The following CEP76 variants were observed in gnomAD, a reference collection of about 807,000 sequenced individuals.
CEP76 encodes centrosomal protein 76.
A neutral mutation model predicts 83.3 loss-of-function variants in CEP76; 55 were observed. That is an observed-to-expected ratio of 0.66 (90% confidence interval 0.53 to 0.83). The LOEUF is 0.83. Ranked by LOEUF, CEP76 falls within the 40% of genes least tolerant of loss-of-function variation. CEP76 has a pLI of 0.00. For missense variants in CEP76, 694 were observed against 799.5 expected (o/e 0.87, Z 1.59); for synonymous variants, 270 against 274.5 (o/e 0.98, Z 0.16).
At chr18:12,676,459 G>GAGAT (rs78736074) in intron 10 of CEP76, among the ~76,000 whole-genome samples, 24,179 of 151,338 alleles carry the variant, frequency 0.16, 1,988 homozygotes, top group Admixed American at 0.24. Context: ...ACTTTTTGTA[G>GAGAT]AGATAGGGTC....
chr18:12,698,936 A>C, intron 4 of CEP76, 43 bp downstream of exon 4: 1 of 1,342,424 alleles, frequency 7.4e-7, no homozygotes, highest in Non-Finnish European at 1.0e-6. Context: ...AAAACATAAC[A>C]AAGATTTACT....
intron 11 of CEP76, 29 bp downstream of exon 11, chr18:12,674,506 GA>G: frequency 6.5e-7 from 1 of 1,541,462 alleles, no homozygotes; most frequent in Non-Finnish European, 9.0e-7. Context: ...CTCCTAAACT[GA>G]AAAAATGATT....
chr18:12,676,612 G>A (rs2039145226), intron 10 of CEP76, among the ~76,000 whole-genome samples: 1 of 151,994 alleles, frequency 6.6e-6, no homozygotes, highest in South Asian at 2.1e-4. Context: ...TTATTTGTAA[G>A]CAGAACCTAA....
At chr18:12,668,503 CAGG>C (rs752589930), downstream of CEP76, among the ~76,000 whole-genome samples, 2 of 141,166 alleles carry the variant, frequency 1.4e-5, no homozygotes, top group Non-Finnish European at 3.0e-5. Flanking sequence ...GAGGCTAAGG[CAGG>C]AGAATCACTT....
In CEP76 at chr18:12,674,571, A is replaced by G. The variant is rs755892403; in HGVS notation, c.1806T>C (p.Tyr602=). The G allele has an allele frequency of 2.5e-6, 4 of 1,614,056 alleles. No individual in the cohort carries two copies. The highest frequency in any genetic ancestry group is 2.2e-5 in the East Asian group (1 of 44,880). ...TFKGFPIHFV[Y]RNARRAFATC... Reference sequence around the variant, plus strand: ...TGGCAAATGCACGTCTTGCATTTCTATACACAAAATGTATTGGGAACCCTT... The same window carrying G: ...TGGCAAATGCACGTCTTGCATTTCTGTACACAAAATGTATTGGGAACCCTT... Residue 602 remains tyrosine (Y), a synonymous_variant, in exon 11 of 12, where the codon TAT becomes TAC. Coordinates refer to ENST00000262127, the MANE Select transcript of CEP76 (RefSeq NM_024899.4).
intron 8 of CEP76, chr18:12,684,904 A>C (rs558777108): frequency 6.6e-6 from 1 of 152,328 alleles, no homozygotes; most frequent in East Asian, 1.9e-4. Context: ...GTGTAATTAA[A>C]TATACATTTG....
chr18:12,699,266 C>T, intron 3 of CEP76, 63 bp from the exon 4 acceptor site: 5 of 1,157,142 alleles, frequency 4.3e-6, no homozygotes, highest in Non-Finnish European at 6.2e-6. Context: ...GTGATCAAGA[C>T]ATTAGGAAAT....
chr18:12,699,408 G>C (rs1219424852), intron 3 of CEP76, among the ~76,000 whole-genome samples: 1 of 152,104 alleles, frequency 6.6e-6, no homozygotes, highest in Non-Finnish European at 1.5e-5. Flanking sequence ...ATTCTTTTCT[G>C]AGTTTACATC....
intron 7 of CEP76, 113 bp from the exon 8 acceptor site, chr18:12,686,563 T>C: frequency 1.3e-6 from 1 of 756,964 alleles, no homozygotes; most frequent in Non-Finnish European, 2.1e-6. Context: ...GATCGAGTGC[T>C]TACCTTGTAT....
downstream of CEP76, among the ~76,000 whole-genome samples, chr18:12,668,597 CAAAAAAAAAAAAAAAAAAAA>C (rs752216074): frequency 1.4e-5 from 1 of 72,836 alleles, no homozygotes; most frequent in Non-Finnish European, 2.4e-5. Context: ...GATTCCATCT[CAAAAAAAAAAAAAAAAAAAA>C]AAAAAAAAAA....
At chr18:12,695,225 CAA>C (rs761635273) in intron 6 of CEP76, 27 bp downstream of exon 6, 2 of 1,042,216 alleles carry the variant, frequency 1.9e-6, no homozygotes, top group Admixed American at 5.1e-5. Flanking sequence ...AACAAACACA[CAA>C]AAAAAGAGAA....
chr18:12,675,700 A>G lies in CEP76; in HGVS notation c.1624-947T>C, dbSNP rs569812630. ...TTTAAATTTTTTGAGACAGAGTCTTACTCTGTTGCCCAGGCTGGAATGCAG... is the reference window on the plus strand; with the variant it reads ...TTTAAATTTTTTGAGACAGAGTCTTGCTCTGTTGCCCAGGCTGGAATGCAG... On this transcript the variant is annotated intron_variant, in intron 10 of 11. Transcript: ENST00000262127. 4.0e-4 allele frequency among the ~76,000 whole-genome samples: 61 copies of G among 151,980 alleles called. 1 individual carries two copies. The South Asian group carries it at 5.6e-3, about 14-fold the overall frequency.
downstream of CEP76, among the ~76,000 whole-genome samples, chr18:12,671,901 AC>A (rs1254860285): frequency 1.3e-5 from 2 of 151,590 alleles, no homozygotes; most frequent in Non-Finnish European, 2.9e-5. Flanking sequence ...GCTCATCACA[AC>A]CTCCGCCTCC....
intron 5 of CEP76, among the ~76,000 whole-genome samples, chr18:12,696,744 G>A (rs777173433): frequency 6.6e-6 from 1 of 152,058 alleles, no homozygotes; most frequent in Non-Finnish European, 1.5e-5. Context: ...AGGACTAGTT[G>A]ATACTAACAC....
At chr18:12,678,474 A>C in intron 9 of CEP76, 32 bp from the exon 10 acceptor site, 1 of 1,438,558 alleles carries the variant, frequency 7.0e-7, no homozygotes, top group Non-Finnish European at 9.4e-7. Context: ...ATATATGAGA[A>C]CTTAAAAATT....
At chr18:12,694,835 C>T (rs980337034) in intron 6 of CEP76, among the ~76,000 whole-genome samples, 10 of 151,826 alleles carry the variant, frequency 6.6e-5, no homozygotes, top group African/African-American at 2.2e-4. Context: ...CTCAGCCTCC[C>T]GGGTAGCTGG....
In CEP76 at chr18:12,674,674, C is replaced by T. The variant is rs143598035; in HGVS notation, c.1703G>A (p.Arg568His). The T allele has an allele frequency of 3.5e-5, 56 of 1,613,946 alleles. No homozygotes were observed. The highest frequency in any genetic ancestry group is 4.5e-5 in the East Asian group (2 of 44,870). Residue 568 changes from arginine (R) to histidine (H), a missense_variant, in exon 11 of 12, where the codon CGT becomes CAT. Physicochemically the swap from Arg to His is conservative, Grantham distance 29. Transcript: ENST00000262127. ...SPALASYEFE[R>H]TTSISAGNEE... ...ATTGCCTGCTGATATACTTGTTGTA[C>T]GCTCAAATTCATAAGAAGCCAAAGC...
At chr18:12,680,373 A>T (rs2039301893) in intron 9 of CEP76, among the ~76,000 whole-genome samples, 1 of 152,122 alleles carries the variant, frequency 6.6e-6, no homozygotes. Context: ...AGGTAGGTGG[A>T]TCACCTAAGG....
chr18:12,690,849 T>C (rs911809710), intron 7 of CEP76, among the ~76,000 whole-genome samples: 3 of 152,152 alleles, frequency 2.0e-5, no homozygotes, highest in African/African-American at 7.2e-5. Flanking sequence ...TTGAAATGCT[T>C]CAGTTAAACA....
Sources: allele counts gnomAD v4.1 joint callset (sites outside exome capture counted in the v4.1 genomes callset), GRCh38; gene constraint gnomAD v4.1.1; transcripts MANE v1.5; gene names NCBI Gene and HGNC (gene_info 2026-07-23, HGNC 2026-07-21).